Variants in IL1R2 observed in about 807,000 individuals in gnomAD.
The protein encoded by IL1R2 is interleukin 1 receptor type 2.
Under a neutral mutation model 39.5 loss-of-function variants are expected in IL1R2, and 46 were observed. That is an observed-to-expected ratio of 1.16 (90% CI 0.92 to 1.49). The LOEUF (loss-of-function observed/expected upper bound fraction) is 1.49, where lower values mean the gene tolerates loss of function less well. IL1R2 is among the 40% of genes most tolerant of loss of function. The pLI, the probability that IL1R2 is intolerant of heterozygous loss-of-function variation, is 0.00. For missense variants in IL1R2, 537 were observed against 502.0 expected, an observed-to-expected ratio of 1.07 and a Z score of -0.67; for synonymous variants, 207 against 189.6, an observed-to-expected ratio of 1.09 and a Z score of -0.75.
intron 3 of IL1R2, 157 bp downstream of exon 3, chr2:102,009,983 A>C (rs2150435823): frequency 2.6e-6 from 2 of 782,006 alleles, no homozygotes; most frequent in Middle Eastern, 3.8e-4. Flanking sequence ...ACCCCCCCCA[A>C]CCCTACAGTC....
At chr2:102,012,038 C>T (rs1180679878) in intron 3 of IL1R2, among the ~76,000 whole-genome samples, 5 of 152,180 alleles carry the variant, frequency 3.3e-5, no homozygotes, top group Non-Finnish European at 7.3e-5. Flanking sequence ...ATGTCCTACT[C>T]CTTCTTGATG....
chr2:102,003,243 T>C (rs1303686014), intron 1 of IL1R2, among the ~76,000 whole-genome samples: 2 of 151,856 alleles, frequency 1.3e-5, no homozygotes, highest in African/African-American at 4.8e-5. Flanking sequence ...TGGCTGTGTC[T>C]GTGTCTGTGT....
intron 5 of IL1R2, among the ~76,000 whole-genome samples, chr2:102,020,022 A>T (rs1233355002): frequency 6.6e-6 from 1 of 152,192 alleles, no homozygotes; most frequent in Non-Finnish European, 1.5e-5. Context: ...AGAACAGGTG[A>T]ACGAATTGGG....
At position 102,028,341 on chromosome 2, in the gene IL1R2, T is replaced by A; in HGVS notation, c.1146T>A (p.Gly382=). ...RCKHRTGKAD[G]LTVLWPHHQD... The stretch of plus-strand genomic sequence containing the variant: ...AACACAGAACTGGAAAAGCAGATGG[T>A]CTGACTGTGCTATGGCCTCATCATC... Residue 382 remains glycine, a synonymous_variant, in exon 9 of 9, where the codon GGT becomes GGA. Coordinates refer to ENST00000332549, the MANE Select transcript of IL1R2 (RefSeq NM_004633.4). 2 of 1,610,704 alleles carry A rather than the reference T, an allele frequency of 1.2e-6. No individual in the cohort carries two copies. The highest frequency in any genetic ancestry group is 1.7e-6 in the Non-Finnish European group (2 of 1,178,692).
chr2:102,015,783 A>T, intron 3 of IL1R2, 88 bp from the exon 4 acceptor site: 1 of 1,053,242 alleles, frequency 9.5e-7, no homozygotes, highest in Non-Finnish European at 1.4e-6. Context: ...TGCAGATTTT[A>T]ATAGAGTTGG....
chr2:102,003,734 TC>T (rs1676070184), intron 1 of IL1R2, among the ~76,000 whole-genome samples: 1 of 150,936 alleles, frequency 6.6e-6, no homozygotes, highest in South Asian at 2.1e-4. Flanking sequence ...CCTGTCTGTG[TC>T]CCATGTCGGT....
In IL1R2 at chr2:102,015,903, A is replaced by T. The variant is rs1031997209; in HGVS notation, c.365A>T (p.Glu122Val). Residue 122 changes from glutamate to valine, a missense_variant, in exon 4 of 9, where the codon GAG becomes GTG. Coordinates refer to ENST00000332549, the MANE Select transcript of IL1R2 (RefSeq NM_004633.4). ...NASYCDKMSI[E>V]LRVFENTDAF... ...TCTTACTGTGACAAAATGTCCATTGAGCTCAGAGTTTTTGAGAATACAGAT... is the reference window on the plus strand; with the variant it reads ...TCTTACTGTGACAAAATGTCCATTGTGCTCAGAGTTTTTGAGAATACAGAT... 1 of 1,613,900 alleles carries T rather than the reference A, an allele frequency of 6.2e-7. No individual in the cohort carries two copies. The highest frequency in any genetic ancestry group is 1.3e-5 in the African/African-American group (1 of 74,990).
At chr2:102,022,294 C>T (rs948295855) in intron 6 of IL1R2, 45 bp downstream of exon 6, 4 of 1,525,856 alleles carry the variant, frequency 2.6e-6, no homozygotes, top group Non-Finnish European at 3.6e-6. Flanking sequence ...TGTGGGGGTG[C>T]CTGGTATCCC....
intron 3 of IL1R2, among the ~76,000 whole-genome samples, chr2:102,010,444 C>T (rs901784334): frequency 1.3e-5 from 2 of 151,984 alleles, no homozygotes; most frequent in Admixed American, 6.6e-5. Context: ...GGCATGGTGG[C>T]GGGCGCCTGT....
At chr2:102,017,550 A>G (rs1323824504) in intron 4 of IL1R2, among the ~76,000 whole-genome samples, 2 of 152,192 alleles carry the variant, frequency 1.3e-5, no homozygotes, top group African/African-American at 4.8e-5. Flanking sequence ...GATATTGCTT[A>G]TGTAGACCGG....
chr2:101,992,718 G>C (rs1298681580), intron 1 of IL1R2, among the ~76,000 whole-genome samples: 3 of 152,110 alleles, frequency 2.0e-5, no homozygotes, highest in East Asian at 1.9e-4. Context: ...CATAGAGACA[G>C]AGAGAGAAAG....
chr2:102,017,348 G>T (rs3218918), intron 4 of IL1R2, among the ~76,000 whole-genome samples: 2 of 146,500 alleles, frequency 1.4e-5, no homozygotes, highest in African/African-American at 5.1e-5. Flanking sequence ...AGTGAGCCAA[G>T]ATCACGCCAT....
rs3218854 is a variant in IL1R2 at position 102,009,328 on chromosome 2, G to T, written c.68-234G>T. ...TTCTTCACAAAACATAAGTTGGAAT[G>T]GATAGTAGCACTGAACTTGTTATTT... On this transcript the variant is annotated intron_variant, in intron 2 of 8. Coordinates refer to ENST00000332549, the MANE Select transcript of IL1R2 (RefSeq NM_004633.4). Among the ~76,000 whole-genome samples, 501 of 152,304 alleles carry T rather than the reference G, an allele frequency of 3.3e-3. 1 individual carries two copies. Among genetic ancestry groups the T allele is most frequent in the African/African-American group, 0.011 (468 of 41,564 alleles).
intron 1 of IL1R2, among the ~76,000 whole-genome samples, chr2:102,002,210 T>G (rs1377216179): frequency 1.3e-5 from 2 of 152,254 alleles, no homozygotes; most frequent in African/African-American, 4.8e-5. Flanking sequence ...TATTCTGAAG[T>G]ATTCAGAGGT....
At chr2:102,019,928 A>G (rs545353067) in intron 5 of IL1R2, 116 bp downstream of exon 5, 2 of 818,716 alleles carry the variant, frequency 2.4e-6, no homozygotes, top group East Asian at 5.2e-5. Context: ...GATAACGGAA[A>G]ACAGATCCAT....
Position 102,026,256 on chromosome 2 carries a change from A to G in IL1R2, c.1030+3A>G, listed in dbSNP as rs1677741708. ...ACTACGCACCACAGTCAAGGAAGGT[A>G]TGTATGTATTTTGGGGAGCACTATA... On this transcript the variant is annotated splice_donor_region_variant and intron_variant, in intron 8 of 8. Coordinates refer to ENST00000332549, the MANE Select transcript of IL1R2 (RefSeq NM_004633.4). 6.2e-7 allele frequency: 1 copy of G among 1,605,164 alleles called. No individual in the cohort carries two copies. Among genetic ancestry groups the G allele is most frequent in the Non-Finnish European group, 8.5e-7 (1 of 1,176,114 alleles).
chr2:102,017,008 G>A lies in IL1R2; in HGVS notation c.513+957G>A, dbSNP rs568216236. ...ATTTGTGAAGACAGAGTACATAACA[G>A]CTGAAGGAAATAACTTTTTACTGTA... On this transcript the variant is annotated intron_variant, in intron 4 of 8. Transcript: ENST00000332549. Among the ~76,000 whole-genome samples the A allele has an allele frequency of 3.3e-5, 5 of 152,278 alleles. No individual in the cohort carries two copies. The South Asian group carries it at 1.0e-3, about 32-fold the overall frequency.
At chr2:102,017,391 C>G (rs1348070406) in intron 4 of IL1R2, among the ~76,000 whole-genome samples, 6 of 114,444 alleles carry the variant, frequency 5.2e-5, no homozygotes, top group Admixed American at 9.2e-5. Context: ...AGTGAGACTC[C>G]ATCTCAGAAA....
At chr2:101,998,295 C>T (rs1454493122) in intron 1 of IL1R2, among the ~76,000 whole-genome samples, 3 of 152,220 alleles carry the variant, frequency 2.0e-5, no homozygotes, top group African/African-American at 4.8e-5. Flanking sequence ...CCCGAAATGG[C>T]TGTGTGCTTT....
Sources: gnomAD v4.1 joint callset for allele counts (sites outside exome capture counted in the v4.1 genomes callset) on GRCh38, gnomAD v4.1.1 for gene constraint, MANE v1.5 for transcripts, NCBI Gene and HGNC (gene_info 2026-07-23, HGNC 2026-07-21) for gene names.